The following ADAMTSL1 variants were observed in gnomAD, a reference collection of about 807,000 sequenced individuals.
ADAMTSL1 encodes the protein ADAMTS-like protein 1.
A neutral mutation model predicts 201.8 loss-of-function variants in ADAMTSL1; 126 were observed. The observed-to-expected ratio is 0.62, with a 90% confidence interval of 0.54 to 0.72. The LOEUF (loss-of-function observed/expected upper bound fraction) is 0.72. ADAMTSL1 is among the 30% of genes least tolerant of loss of function. ADAMTSL1 has a pLI of 0.00. For synonymous variants in ADAMTSL1, 1,121 were observed against 903.4 expected, an observed-to-expected ratio of 1.24 and a Z score of -4.32; for missense variants, 2,679 against 2,277.8, an observed-to-expected ratio of 1.18 and a Z score of -3.59.
intron 19 of ADAMTSL1, among the ~76,000 whole-genome samples, chr9:18,784,830 G>T (rs1182061547): frequency 6.6e-6 from 1 of 152,176 alleles, no homozygotes; most frequent in Non-Finnish European, 1.5e-5. Flanking sequence ...TTGAAGCACG[G>T]AGATGTTAGA....
intron 1 of ADAMTSL1, among the ~76,000 whole-genome samples, chr9:17,924,937 A>G (rs1161216092): frequency 1.6e-5 from 2 of 125,744 alleles, no homozygotes; most frequent in African/African-American, 5.7e-5. Context: ...ATGGGAGAAA[A>G]TTTTCGCAAC....
intron 1 of ADAMTSL1, among the ~76,000 whole-genome samples, chr9:18,068,038 G>C (rs1187584793): frequency 6.6e-6 from 1 of 152,044 alleles, no homozygotes; most frequent in Non-Finnish European, 1.5e-5. Flanking sequence ...GTTTCTGGAA[G>C]TTGTTAGTAA....
chr9:18,874,182 G>A (rs2131473740), intron 23 of ADAMTSL1, among the ~76,000 whole-genome samples: 1 of 152,140 alleles, frequency 6.6e-6, no homozygotes, highest in African/African-American at 2.4e-5. Flanking sequence ...TCAGTTCTAG[G>A]TGCTTTTTGG....
intron 23 of ADAMTSL1, among the ~76,000 whole-genome samples, chr9:18,856,344 G>C (rs924368711): frequency 2.0e-5 from 3 of 151,234 alleles, no homozygotes; most frequent in Non-Finnish European, 4.4e-5. Flanking sequence ...TATAAGTATT[G>C]CTTATTCAGA....
At position 18,885,847 on chromosome 9, in the gene ADAMTSL1, G is replaced by A. The variant is rs188434116; in HGVS notation, c.4250-1984G>A. Among the ~76,000 whole-genome samples the A allele has an allele frequency of 2.8e-4, 43 of 152,198 alleles. 1 individual carries two copies. The highest frequency in any genetic ancestry group is 6.7e-4 in the African/African-American group (28 of 41,528). On this transcript the variant is annotated intron_variant, in intron 23 of 28. Coordinates refer to ENST00000380548, the MANE Select transcript of ADAMTSL1 (RefSeq NM_001040272.6). ...ATGGGGGAAAGAACACGGTCCAGGCGTCGGATAGAAGGCCTGCCGCACAAT... is the reference window on the plus strand; with the variant it reads ...ATGGGGGAAAGAACACGGTCCAGGCATCGGATAGAAGGCCTGCCGCACAAT...
intron 1 of ADAMTSL1, among the ~76,000 whole-genome samples, chr9:17,927,571 C>G (rs908722422): frequency 2.0e-5 from 3 of 151,928 alleles, no homozygotes; most frequent in South Asian, 2.1e-4. Flanking sequence ...ATCAAAATAT[C>G]TAAAAACAAT....
At chr9:18,317,581 G>A (rs1015565650) in intron 2 of ADAMTSL1, among the ~76,000 whole-genome samples, 1 of 152,164 alleles carries the variant, frequency 6.6e-6, no homozygotes, top group Admixed American at 6.5e-5. Context: ...GAAAGTTGGG[G>A]CAGGGAGCCC....
At chr9:18,192,171 C>G (rs1828997966) in intron 2 of ADAMTSL1, among the ~76,000 whole-genome samples, 1 of 152,120 alleles carries the variant, frequency 6.6e-6, no homozygotes, top group African/African-American at 2.4e-5. Flanking sequence ...TCTACTCTTG[C>G]AATGACTTAT....
intron 1 of ADAMTSL1, among the ~76,000 whole-genome samples, chr9:18,043,424 C>G (rs907432108): frequency 3.9e-5 from 6 of 152,240 alleles, no homozygotes; most frequent in Middle Eastern, 3.4e-3. Flanking sequence ...TCCAAAGCAA[C>G]TGGCCAGTTC....
intron 13 of ADAMTSL1, among the ~76,000 whole-genome samples, chr9:18,690,642 T>C (rs1188015780): frequency 6.6e-6 from 1 of 152,072 alleles, no homozygotes; most frequent in Non-Finnish European, 1.5e-5. Flanking sequence ...CAGCAAAGAG[T>C]TGAGCATTAG....
intron 1 of ADAMTSL1, among the ~76,000 whole-genome samples, chr9:17,975,038 C>G (rs993324349): frequency 6.6e-6 from 1 of 151,912 alleles, no homozygotes; most frequent in Non-Finnish European, 1.5e-5. Context: ...TAACCTTCAT[C>G]TTTGTGATAG....
intron 7 of ADAMTSL1, among the ~76,000 whole-genome samples, chr9:18,654,681 A>T (rs913184775): frequency 1.3e-4 from 20 of 149,658 alleles, no homozygotes; most frequent in Non-Finnish European, 2.7e-4. Flanking sequence ...AAAGCATTTT[A>T]AAATAGTCTT....
chr9:18,552,006 C>A (rs10810988), intron 3 of ADAMTSL1, among the ~76,000 whole-genome samples: 39,076 of 151,640 alleles, frequency 0.26, 5,456 homozygotes, highest in East Asian at 0.6. Context: ...GAAATTCAAA[C>A]TTCATCATTT....
At chr9:18,461,795 T>C (rs986740756) in intron 2 of ADAMTSL1, among the ~76,000 whole-genome samples, 2 of 152,156 alleles carry the variant, frequency 1.3e-5, no homozygotes, top group Non-Finnish European at 2.9e-5. Flanking sequence ...TTTTGCTTCA[T>C]TGATCCGTTG....
intron 1 of ADAMTSL1, among the ~76,000 whole-genome samples, chr9:18,089,140 G>A (rs765144362): frequency 1.3e-5 from 2 of 152,058 alleles, no homozygotes; most frequent in African/African-American, 2.4e-5. Flanking sequence ...CGACAGGAGC[G>A]AAACTCTGTC....
chr9:18,338,894 T>C (rs1365330501), intron 2 of ADAMTSL1, among the ~76,000 whole-genome samples: 1 of 152,118 alleles, frequency 6.6e-6, no homozygotes, highest in Non-Finnish European at 1.5e-5. Flanking sequence ...TCTGTTCCTG[T>C]GTTAGTTTGC....
intron 15 of ADAMTSL1, among the ~76,000 whole-genome samples, chr9:18,734,815 AAT>A (rs1818413247): frequency 6.6e-6 from 1 of 152,150 alleles, no homozygotes; most frequent in Admixed American, 6.6e-5. Context: ...CCAGAGTCCC[AAT>A]CCAGGCTTTC....
At chr9:18,411,200 A>ATT (rs1255453195) in intron 2 of ADAMTSL1, among the ~76,000 whole-genome samples, 19 of 104,112 alleles carry the variant, frequency 1.8e-4, no homozygotes, top group African/African-American at 5.5e-4. Flanking sequence ...ATTTATTTTT[A>ATT]TTTATTTATT....
At position 18,559,143 on chromosome 9, in the gene ADAMTSL1, C is replaced by T. The variant is rs140568825; in HGVS notation, c.238-14887C>T. Among the ~76,000 whole-genome samples the T allele has an allele frequency of 4.0e-3, 606 of 152,116 alleles. 2 individuals are homozygous for T. Among genetic ancestry groups the T allele is most frequent in the African/African-American group, 0.014 (584 of 41,494 alleles). On this transcript the variant is annotated intron_variant, in intron 3 of 28. Coordinates refer to ENST00000380548, the MANE Select transcript of ADAMTSL1 (RefSeq NM_001040272.6). ...TTCTAGAGTTTTTATGGTTTTAGGTCTTATGTTTAAGTCTTATTCCATCTT... is the reference window on the plus strand; with the variant it reads ...TTCTAGAGTTTTTATGGTTTTAGGTTTTATGTTTAAGTCTTATTCCATCTT...
Sources: allele counts gnomAD v4.1 joint callset (sites outside exome capture counted in the v4.1 genomes callset), GRCh38; gene constraint gnomAD v4.1.1; transcripts MANE v1.5; gene names NCBI Gene and HGNC (gene_info 2026-07-23, HGNC 2026-07-21).